Variants in HS3ST5 observed in about 807,000 individuals in gnomAD.
The protein encoded by HS3ST5 is heparan sulfate glucosamine 3-O-sulfotransferase 5.
HS3ST5 carries 10 observed loss-of-function variants against 25.4 expected under a neutral mutation model. The ratio of observed to expected loss-of-function variants is 0.39; its 90% CI spans 0.24 to 0.67. HS3ST5 has a LOEUF of 0.67. Among genes scored for constraint, HS3ST5 ranks in the 30% least tolerant of loss-of-function variants. The probability of loss-of-function intolerance (pLI) is 0.44; values close to 1 mark genes in which losing one functional copy is unlikely to be tolerated. For missense variants in HS3ST5, 324 were observed against 420.7 expected (o/e 0.77, Z 2.01); for synonymous variants, 170 against 162.4 (o/e 1.05, Z -0.36).
At chr6:114,174,509 T>G (rs1779626209) in intron 2 of HS3ST5, among the ~76,000 whole-genome samples, 3 of 152,156 alleles carry the variant, frequency 2.0e-5, no homozygotes, top group Admixed American at 2.0e-4. Context: ...AAGTGAGAAG[T>G]TCATACATGA....
intron 2 of HS3ST5, among the ~76,000 whole-genome samples, chr6:114,211,592 T>C (rs1781511218): frequency 6.6e-6 from 1 of 152,226 alleles, no homozygotes; most frequent in Admixed American, 6.5e-5. Context: ...CCTAAAATTA[T>C]GCCATATTCT....
chr6:114,166,158 C>T (rs1264319981), intron 3 of HS3ST5, among the ~76,000 whole-genome samples: 7 of 151,468 alleles, frequency 4.6e-5, no homozygotes, highest in African/African-American at 4.9e-5. Flanking sequence ...GTCATCTTCA[C>T]CTAAAGGTAG....
intron 1 of HS3ST5, among the ~76,000 whole-genome samples, chr6:114,278,152 C>T (rs1773948186): frequency 6.6e-6 from 1 of 151,918 alleles, no homozygotes; most frequent in Non-Finnish European, 1.5e-5. Context: ...GGCAAAGGAG[C>T]AGGTTTACAT....
intron 3 of HS3ST5, among the ~76,000 whole-genome samples, chr6:114,110,387 T>A (rs1477415858): frequency 6.6e-6 from 1 of 152,024 alleles, no homozygotes; most frequent in Admixed American, 6.6e-5. Context: ...GCATTAATTA[T>A]CCATTAAATC....
At position 114,084,897 on chromosome 6, in the gene HS3ST5, T is replaced by C. The variant is rs1038409026; in HGVS notation, c.-32-22020A>G. On this transcript the variant is annotated intron_variant, in intron 3 of 4. Coordinates refer to ENST00000312719, the MANE Select transcript of HS3ST5 (RefSeq NM_153612.4). Reference sequence around the variant, plus strand: ...GCCAGGCTGGAGTTCAGTGGTGTGATCTCGGCTCACTGCAACCTCTGCCTC... The same window carrying C: ...GCCAGGCTGGAGTTCAGTGGTGTGACCTCGGCTCACTGCAACCTCTGCCTC... 3 of 525,526 alleles carry C rather than the reference T, an allele frequency of 5.7e-6. No individual in the cohort carries two copies. In the African/African-American group the frequency reaches 6.0e-5, roughly 11 times the overall value. The allele number at this position is 525,526 out of a possible 1,614,324, so 32.6% of individuals were successfully genotyped here.
At chr6:114,261,997 A>G (rs1202465768) in intron 1 of HS3ST5, among the ~76,000 whole-genome samples, 1 of 152,198 alleles carries the variant, frequency 6.6e-6, no homozygotes, top group Non-Finnish European at 1.5e-5. Flanking sequence ...GCAGCAGAAA[A>G]TAATGAGTAT....
At chr6:114,288,343 G>T (rs1774427185) in intron 1 of HS3ST5, among the ~76,000 whole-genome samples, 1 of 151,752 alleles carries the variant, frequency 6.6e-6, no homozygotes, top group East Asian at 1.9e-4. Flanking sequence ...TCAATGCAAT[G>T]GTACATTTTA....
chr6:114,201,005 T>C (rs772081218), intron 2 of HS3ST5, among the ~76,000 whole-genome samples: 58 of 152,220 alleles, frequency 3.8e-4, no homozygotes, highest in Non-Finnish European at 6.9e-4. Context: ...GAAACTCCAG[T>C]TGAGAAGACT....
chr6:114,270,847 G>T (rs1371039577), intron 1 of HS3ST5, among the ~76,000 whole-genome samples: 1 of 151,884 alleles, frequency 6.6e-6, no homozygotes, highest in Non-Finnish European at 1.5e-5. Context: ...CATATAAAAA[G>T]CAATATTACC....
intron 3 of HS3ST5, among the ~76,000 whole-genome samples, chr6:114,161,542 T>TAA (rs1562220892): frequency 1.2e-4 from 9 of 74,710 alleles, no homozygotes; most frequent in African/African-American, 4.5e-4. Context: ...TATATATATA[T>TAA]ATATATATAT....
At chr6:114,186,157 G>A (rs1458559421) in intron 2 of HS3ST5, among the ~76,000 whole-genome samples, 2 of 151,924 alleles carry the variant, frequency 1.3e-5, no homozygotes, top group Non-Finnish European at 2.9e-5. Flanking sequence ...TAACCCTACA[G>A]TGGCCTCTAA....
chr6:114,129,125 C>T (rs1464937551), intron 3 of HS3ST5, among the ~76,000 whole-genome samples: 23 of 151,950 alleles, frequency 1.5e-4, no homozygotes, highest in Admixed American at 1.5e-3. Context: ...ATGCTTGGTA[C>T]ATAATGAGCT....
rs78275663 is a variant in HS3ST5, at chr6:114,341,262, T to C, written c.-339+933A>G. On this transcript the variant is annotated intron_variant, in intron 1 of 4. Coordinates refer to ENST00000312719, the MANE Select transcript of HS3ST5 (RefSeq NM_153612.4). ...GAGAGAGAGAGAGAGAGAGAGAGAG[T>C]GAGTCCCACCGGGTGAAGACAGGGT... Among the ~76,000 whole-genome samples the C allele has an allele frequency of 4.3e-5, 3 of 69,928 alleles. 1 individual carries two copies. The highest frequency in any genetic ancestry group is 0.019 in the Middle Eastern group (2 of 104). The allele number at this position is 69,928 out of a possible 152,430, so 45.9% of individuals were successfully genotyped here.
chr6:114,224,203 T>C (rs1782175823), intron 2 of HS3ST5, among the ~76,000 whole-genome samples: 1 of 151,728 alleles, frequency 6.6e-6, no homozygotes, highest in Admixed American at 6.6e-5. Context: ...TGTATACTTG[T>C]ATAACTTAGA....
chr6:114,220,154 A>T (rs565861433), intron 2 of HS3ST5, among the ~76,000 whole-genome samples: 1 of 152,200 alleles, frequency 6.6e-6, no homozygotes, highest in Non-Finnish European at 1.5e-5. Flanking sequence ...AGAAAGCCTC[A>T]TTTTGCCATT....
chr6:114,142,909 A>T (rs1777980154), intron 3 of HS3ST5: 1 of 152,228 alleles, frequency 6.6e-6, no homozygotes, highest in African/African-American at 2.4e-5. Context: ...CACAGCAATT[A>T]TCTTTGCCTA....
chr6:114,291,616 T>C (rs914827877), intron 1 of HS3ST5, among the ~76,000 whole-genome samples: 4 of 152,130 alleles, frequency 2.6e-5, no homozygotes, highest in Admixed American at 6.5e-5. Flanking sequence ...CTAGACAGGA[T>C]GAAGAAAGGT....
chr6:114,231,322 C>T (rs1183821323), intron 1 of HS3ST5: 2 of 152,322 alleles, frequency 1.3e-5, no homozygotes, highest in Non-Finnish European at 2.9e-5. Context: ...CTGCTTTCAC[C>T]ATGTGATGTG....
chr6:114,119,407 A>C (rs1475667249), intron 3 of HS3ST5, among the ~76,000 whole-genome samples: 3 of 152,206 alleles, frequency 2.0e-5, no homozygotes, highest in African/African-American at 4.8e-5. Flanking sequence ...TTTTAAAACC[A>C]ACAATGTGGT....
Sources: allele counts gnomAD v4.1 joint callset (sites outside exome capture counted in the v4.1 genomes callset), GRCh38; gene constraint gnomAD v4.1.1; transcripts MANE v1.5; gene names NCBI Gene and HGNC (gene_info 2026-07-23, HGNC 2026-07-21).